Variants in MINK1 observed in about 807,000 individuals in gnomAD.
MINK1 encodes the protein misshapen-like kinase 1.
A neutral mutation model predicts 178.4 loss-of-function variants in MINK1; 46 were observed. The ratio of observed to expected loss-of-function variants is 0.26; its 90% CI spans 0.20 to 0.33. MINK1 has a LOEUF of 0.33. Ranked by LOEUF, MINK1 falls within the 10% of genes least tolerant of loss-of-function variation. The pLI is 1.00. For synonymous variants in MINK1, 797 were observed against 709.7 expected, an observed-to-expected ratio of 1.12 and a Z score of -1.96; for missense variants, 1,366 against 1,814.9, an observed-to-expected ratio of 0.75 and a Z score of 4.49.
At chr17:4,858,747 T>C (rs916529897) in intron 1 of MINK1, among the ~76,000 whole-genome samples, 2 of 152,138 alleles carry the variant, frequency 1.3e-5, no homozygotes, top group Non-Finnish European at 2.9e-5. Flanking sequence ...CCTATGAAAT[T>C]CTCTTCTCCC....
In MINK1 at chr17:4,896,164, G is replaced by T; in HGVS notation, c.3466-29G>T. The T allele has an allele frequency of 6.2e-7, 1 of 1,602,466 alleles. No homozygotes were observed. The highest frequency in any genetic ancestry group is 8.5e-7 in the Non-Finnish European group (1 of 1,173,768). On this transcript the variant is annotated intron_variant, in intron 28 of 31. Transcript: ENST00000355280. The surrounding 1 kb of genome is among the most constrained non-coding windows in gnomAD (Gnocchi z 4.6). ...TCCCAGCGCCTCTCCCCGTGCCCCT[G>T]AGCCCTCCTCTCCTCCGGTTCTCTG...
intron 5 of MINK1, 134 bp downstream of exon 5, chr17:4,884,607 G>A: frequency 1.4e-6 from 1 of 692,562 alleles, no homozygotes; most frequent in Non-Finnish European, 2.5e-6. Context: ...GATGCGGGTG[G>A]GATGTGGAAG....
At chr17:4,893,964 G>A (rs762828806) in intron 21 of MINK1, 24 bp from the exon 22 acceptor site, 2 of 1,536,928 alleles carry the variant, frequency 1.3e-6, no homozygotes, top group Non-Finnish European at 1.7e-6. Flanking sequence ...GGACCTGGAG[G>A]GGCCCCACCT....
intron 1 of MINK1, among the ~76,000 whole-genome samples, chr17:4,840,889 C>T (rs558418932): frequency 2.0e-5 from 3 of 152,054 alleles, no homozygotes; most frequent in East Asian, 3.9e-4. Context: ...GCGTAGAAGA[C>T]GGTGAGGTGG....
intron 1 of MINK1, among the ~76,000 whole-genome samples, chr17:4,861,402 A>G (rs1490097290): frequency 6.6e-6 from 1 of 152,216 alleles, no homozygotes; most frequent in Non-Finnish European, 1.5e-5. Context: ...TTCGACCCAC[A>G]TGAGGCGCTC....
intron 20 of MINK1, 148 bp downstream of exon 20, chr17:4,893,215 TTCCTAACCTCTC>T (rs147352769): frequency 0.026 from 41,732 of 1,593,162 alleles, 1,682 homozygotes; most frequent in African/African-American, 0.19. Flanking sequence ...GTGCTAACCT[TTCCTAACCTCTC>T]TCCTAACCTC....
chr17:4,885,428 G>C lies in MINK1; in HGVS notation c.509-55G>C, dbSNP rs963442090. 5.0e-6 allele frequency: 8 copies of C among 1,598,438 alleles called. No individual in the cohort carries two copies. In the Admixed American group the frequency reaches 6.7e-5, roughly 13 times the overall value. On this transcript the variant is annotated intron_variant, in intron 6 of 31. Coordinates refer to ENST00000355280, the MANE Select transcript of MINK1 (RefSeq NM_153827.5). The surrounding 1 kb of genome is among the most constrained non-coding windows in gnomAD (Gnocchi z 5.0). ...CCTGTGTGTGCACGCAGGGATGTGA[G>C]GCAAGGGAGCAGAGGTGACTCCCCA...
At chr17:4,893,370 A>C (rs1344938596) in intron 20 of MINK1, 64 bp from the exon 21 acceptor site, 4 of 1,609,796 alleles carry the variant, frequency 2.5e-6, no homozygotes, top group South Asian at 2.2e-5. Flanking sequence ...GTGTCCCGGC[A>C]CCCTTTGTCT....
intron 2 of MINK1, 117 bp downstream of exon 2, chr17:4,878,499 T>C: frequency 1.1e-6 from 1 of 913,358 alleles, no homozygotes; most frequent in African/African-American, 1.7e-5. Context: ...GATGCTAGAG[T>C]CTAGGGCCCT....
Position 4,897,417 on chromosome 17 carries a change from G to C in MINK1, c.*130G>C, listed in dbSNP as rs1229462880. 1 of 777,962 alleles carries C rather than the reference G, an allele frequency of 1.3e-6. No homozygotes were observed. The highest frequency in any genetic ancestry group is 2.1e-6 in the Non-Finnish European group (1 of 476,270). 48.2% of individuals were successfully genotyped at this position (777,962 alleles called of 1,614,324 possible). Reference sequence around the variant, plus strand: ...GGTTTGATTTCACTGGAGCCTGCTGGGAACGTGACCTCTGACCCCTGATGC... The same window carrying C: ...GGTTTGATTTCACTGGAGCCTGCTGCGAACGTGACCTCTGACCCCTGATGC... On this transcript the variant is annotated 3_prime_UTR_variant, in exon 32 of 32. Transcript: ENST00000355280.
chr17:4,893,261 T>G (rs1238332970), intron 20 of MINK1, 173 bp from the exon 21 acceptor site: 1 of 1,612,472 alleles, frequency 6.2e-7, no homozygotes, highest in Non-Finnish European at 8.5e-7. Context: ...CTTCTGGCTC[T>G]TTCTTCCCCT....
In MINK1 at chr17:4,846,095, G is replaced by A. The variant is rs539825163; in HGVS notation, c.57+12455G>A. On this transcript the variant is annotated intron_variant, in intron 1 of 31. Transcript: ENST00000355280. ...ACTTATTCTCCAGGTGGCCCAGGAA[G>A]AGAGGAGGGCAGGAGAGCCCCCTGT... Among the ~76,000 whole-genome samples the A allele has an allele frequency of 7.2e-5, 11 of 152,376 alleles. No homozygotes were observed. In the South Asian group the frequency reaches 2.3e-3, roughly 32 times the overall value.
chr17:4,855,795 A>G (rs1913021674), intron 1 of MINK1, among the ~76,000 whole-genome samples: 1 of 149,688 alleles, frequency 6.7e-6, no homozygotes, highest in Non-Finnish European at 1.5e-5. Flanking sequence ...AAAGAAAGAA[A>G]CCCCATCTCT....
Position 4,896,740 on chromosome 17 carries a change from C to T in MINK1, c.3842C>T (p.Thr1281Met), listed in dbSNP as rs779185115. 1.1e-5 allele frequency: 17 copies of T among 1,602,516 alleles called. No homozygotes were observed. The highest frequency in any genetic ancestry group is 5.1e-5 in the Admixed American group (3 of 58,622). The change falls in exon 31 of 32, where the codon ACG becomes ATG. Residue 1281 changes from threonine (T) to methionine (M), a missense_variant. Physicochemically the swap from Thr to Met is moderately conservative, Grantham distance 81 (BLOSUM62 -1). This residue lies in a region of MINK1 where 201 missense variants were observed against 240.7 expected (regional missense o/e 0.84). Coordinates refer to ENST00000355280, the MANE Select transcript of MINK1 (RefSeq NM_153827.5). The surrounding 1 kb of genome is among the most constrained non-coding windows in gnomAD (Gnocchi z 4.6). ...GCCATTGAGATCCGCTCTGTGGAGA[C>T]GGGCCACCTCGACGGGGTCTTCATG... ...EKAIEIRSVE[T>M]GHLDGVFMHK...
rs1031313164 is a variant in MINK1 at position 4,896,944 on chromosome 17, C to T, written c.3915+131C>T. 83 of 1,219,636 alleles carry T rather than the reference C, an allele frequency of 6.8e-5. No individual in the cohort carries two copies. The East Asian group carries it at 1.6e-3, about 23-fold the overall frequency. 75.6% of individuals were successfully genotyped at this position (1,219,636 alleles called of 1,614,324 possible). On this transcript the variant is annotated intron_variant, in intron 31 of 31. Transcript: ENST00000355280. The surrounding 1 kb of genome is among the most constrained non-coding windows in gnomAD (Gnocchi z 4.6). ...CGGGCCCCTCTGGGAGCTCAGAGGG[C>T]AGTCAGCCACTACCACTGCCCTGCG...
At chr17:4,859,077 C>G (rs189704133) in intron 1 of MINK1, 5 of 962,078 alleles carry the variant, frequency 5.2e-6, no homozygotes, top group African/African-American at 1.8e-5. Context: ...AGCACTGGCT[C>G]TAGCAGCAGG....
intron 1 of MINK1, chr17:4,854,698 G>T (rs1912737768): frequency 2.1e-6 from 1 of 465,680 alleles, no homozygotes; most frequent in African/African-American, 2.0e-5. Flanking sequence ...TCTAGAACTG[G>T]CCTGATTTCC....
chr17:4,851,890 C>T (rs1292457962), intron 1 of MINK1, among the ~76,000 whole-genome samples: 1 of 150,508 alleles, frequency 6.6e-6, no homozygotes, highest in Non-Finnish European at 1.5e-5. Flanking sequence ...ATCCCAACTA[C>T]TTGGGAGGCT....
At position 4,884,774 on chromosome 17, in the gene MINK1, C is replaced by A. The variant is rs986140162; in HGVS notation, c.418-138C>A. ...TCCAGGACAGCTCAGCTTGCTTGGG[C>A]TCCTGGTGGAGAAGGTCTGCTCCTT... On this transcript the variant is annotated intron_variant, in intron 5 of 31. Transcript: ENST00000355280. 14 of 742,826 alleles carry A rather than the reference C, an allele frequency of 1.9e-5. No homozygotes were observed. The South Asian group carries it at 1.9e-4, about 10-fold the overall frequency. 46.0% of individuals were successfully genotyped at this position (742,826 alleles called of 1,614,324 possible). A position where few individuals can be genotyped will look rare whatever the true frequency, so the allele number is the denominator to read the frequency against.
Sources: allele counts gnomAD v4.1 joint callset (sites outside exome capture counted in the v4.1 genomes callset), GRCh38; gene constraint gnomAD v4.1.1; regional missense constraint gnomAD v4.1.1; non-coding constraint Gnocchi (gnomAD v3.1); transcripts MANE v1.5; gene names NCBI Gene and HGNC (gene_info 2026-07-23, HGNC 2026-07-21).